AKAP13: variants seen among roughly 807,000 people sequenced by gnomAD.
AKAP13 encodes the protein A-kinase anchor protein 13.
Under a neutral mutation model 264.5 loss-of-function variants are expected in AKAP13, and 80 were observed. That is an observed-to-expected ratio of 0.30 (90% CI 0.25 to 0.36). AKAP13 has a LOEUF of 0.36. AKAP13 is among the 10% of genes least tolerant of loss of function. AKAP13 has a pLI of 1.00. For synonymous variants in AKAP13, 1,380 were observed against 1,250.2 expected (o/e 1.10, Z -2.19); for missense variants, 3,712 against 3,435.2 (o/e 1.08, Z -2.01).
intron 26 of AKAP13, chr15:85,726,178 A>G (rs2087605175): frequency 2.3e-6 from 1 of 440,106 alleles, no homozygotes; most frequent in Non-Finnish European, 4.1e-6. Flanking sequence ...TTCCAAAACA[A>G]GGCTTTGGTG....
chr15:85,415,479 A>T, intron 1 of AKAP13: 2 of 1,573,686 alleles, frequency 1.3e-6, no homozygotes. Context: ...AAAAACTCAG[A>T]CTGTGTGCAA....
At chr15:85,653,094 A>T (rs2082937378) in intron 10 of AKAP13, among the ~76,000 whole-genome samples, 1 of 152,198 alleles carries the variant, frequency 6.6e-6, no homozygotes, top group African/African-American at 2.4e-5. Flanking sequence ...TGCCCCGTGA[A>T]TAGGACCCCT....
At chr15:85,483,484 G>T (rs1372517742) in intron 1 of AKAP13, among the ~76,000 whole-genome samples, 2 of 150,112 alleles carry the variant, frequency 1.3e-5, no homozygotes, top group African/African-American at 2.5e-5. Context: ...AAATTAGCCG[G>T]TTGCGGTGGC....
intron 4 of AKAP13, among the ~76,000 whole-genome samples, chr15:85,540,825 CTG>C (rs1461457731): frequency 6.6e-6 from 1 of 152,200 alleles, no homozygotes; most frequent in African/African-American, 2.4e-5. Context: ...ATACCTAAAA[CTG>C]GGGGTATATG....
At chr15:85,731,884 A>C (rs985982439) in intron 30 of AKAP13, among the ~76,000 whole-genome samples, 1 of 152,090 alleles carries the variant, frequency 6.6e-6, no homozygotes, top group Non-Finnish European at 1.5e-5. Flanking sequence ...GGAGTTCAAG[A>C]CCAGCGTGGC....
intron 2 of AKAP13, among the ~76,000 whole-genome samples, chr15:85,489,207 A>C (rs2075657569): frequency 6.6e-6 from 1 of 152,234 alleles, no homozygotes; most frequent in Non-Finnish European, 1.5e-5. Context: ...AAACCACTGT[A>C]AACCTTGTTA....
At chr15:85,663,809 A>T (rs1006291187) in intron 12 of AKAP13, among the ~76,000 whole-genome samples, 1 of 152,196 alleles carries the variant, frequency 6.6e-6, no homozygotes, top group Non-Finnish European at 1.5e-5. Context: ...AAACCACAGA[A>T]TCTGTCTTGG....
intron 1 of AKAP13, among the ~76,000 whole-genome samples, chr15:85,452,219 G>GTT (rs36006368): frequency 2.1e-5 from 3 of 140,756 alleles, no homozygotes; most frequent in Non-Finnish European, 3.1e-5. Flanking sequence ...ATCCCTTAGG[G>GTT]TTTTTTTTTT....
At position 85,744,741 on chromosome 15, in the gene AKAP13, C is replaced by A; in HGVS notation, c.*64C>A. 6.8e-7 allele frequency: 1 copy of A among 1,463,256 alleles called. No homozygotes were observed. The highest frequency in any genetic ancestry group is 1.3e-5 in the South Asian group (1 of 75,950). 90.6% of individuals were successfully genotyped at this position (1,463,256 alleles called of 1,614,324 possible). On this transcript the variant is annotated 3_prime_UTR_variant, in exon 37 of 37. Transcript: ENST00000394518. ...TGGCCAGCCCACCTCTCCTGCTGTC[C>A]CCGCGTGCACAAGTCTCTTACACTG...
At chr15:85,740,894 T>C (rs2088925679) in intron 34 of AKAP13, 152 bp from the exon 35 acceptor site, 3 of 1,338,374 alleles carry the variant, frequency 2.2e-6, no homozygotes, top group African/African-American at 1.5e-5. Flanking sequence ...GCAATTATCC[T>C]GGAGCATTTT....
chr15:85,738,482 T>A (rs1266565055), intron 33 of AKAP13, among the ~76,000 whole-genome samples: 3 of 152,096 alleles, frequency 2.0e-5, no homozygotes, highest in Non-Finnish European at 4.4e-5. Flanking sequence ...TTAAATGTAT[T>A]ATAAAAGGAA....
chr15:85,477,765 T>C (rs184331188), intron 1 of AKAP13, among the ~76,000 whole-genome samples: 19 of 152,236 alleles, frequency 1.2e-4, no homozygotes, highest in Admixed American at 5.9e-4. Context: ...GAGATTTCTT[T>C]AGTATGGAGC....
At chr15:85,495,123 C>T (rs973852900) in intron 2 of AKAP13, among the ~76,000 whole-genome samples, 2 of 152,148 alleles carry the variant, frequency 1.3e-5, no homozygotes, top group African/African-American at 4.8e-5. Flanking sequence ...TCAGCTATTT[C>T]ATCTTTATAC....
At chr15:85,626,302 A>G (rs895513118) in intron 8 of AKAP13, among the ~76,000 whole-genome samples, 2 of 152,264 alleles carry the variant, frequency 1.3e-5, no homozygotes, top group African/African-American at 4.8e-5. Context: ...GTTCAGTGGC[A>G]TTAAGTACAT....
chr15:85,382,383 A>C (rs556469439), intron 1 of AKAP13, among the ~76,000 whole-genome samples: 252 of 152,320 alleles, frequency 1.7e-3, no homozygotes, highest in African/African-American at 5.7e-3. Context: ...AGCTAAAGAC[A>C]AATTTTCTTC....
chr15:85,583,213 T>C (rs1376129170), intron 7 of AKAP13: 1 of 977,218 alleles, frequency 1.0e-6, no homozygotes, highest in Non-Finnish European at 1.2e-6. Flanking sequence ...GCTGTTCTTT[T>C]CAATTTTTGA....
At chr15:85,392,787 C>T (rs2070933966) in intron 1 of AKAP13, among the ~76,000 whole-genome samples, 1 of 152,048 alleles carries the variant, frequency 6.6e-6, no homozygotes, top group African/African-American at 2.4e-5. Context: ...AATCGTGGCA[C>T]CATTTTGTTG....
chr15:85,490,018 C>A (rs191998529), intron 2 of AKAP13, among the ~76,000 whole-genome samples: 4 of 152,258 alleles, frequency 2.6e-5, no homozygotes, highest in African/African-American at 9.6e-5. Context: ...ATCACTAAGT[C>A]GGGTTTTTCT....
chr15:85,621,956 T>C (rs986542859), intron 8 of AKAP13, among the ~76,000 whole-genome samples: 10 of 152,120 alleles, frequency 6.6e-5, no homozygotes, highest in African/African-American at 2.4e-4. Flanking sequence ...TCTCAGAAAA[T>C]AGTCATTAGT....
Sources: allele counts gnomAD v4.1 joint callset (sites outside exome capture counted in the v4.1 genomes callset), GRCh38; gene constraint gnomAD v4.1.1; transcripts MANE v1.5; gene names NCBI Gene and HGNC (gene_info 2026-07-23, HGNC 2026-07-21).